Variants in CRTC2 observed in about 807,000 individuals in gnomAD.
The protein encoded by CRTC2 is CREB-regulated transcription coactivator 2.
CRTC2 carries 25 observed loss-of-function variants against 70.9 expected under a neutral mutation model. That is an observed-to-expected ratio of 0.35 (90% CI 0.26 to 0.49). CRTC2 has a LOEUF of 0.49. Ranked by LOEUF, CRTC2 falls within the 20% of genes least tolerant of loss-of-function variation. The pLI is 0.98. For missense variants in CRTC2, 737 were observed against 882.6 expected, an observed-to-expected ratio of 0.83 and a Z score of 2.09; for synonymous variants, 330 against 364.1, an observed-to-expected ratio of 0.91 and a Z score of 1.07.
At position 153,953,307 on chromosome 1, in the gene CRTC2, G is replaced by C; in HGVS notation, c.566C>G (p.Pro189Arg). ...VMNPSPQDTY[P>R]GPTPPSILPS... ...CAGGATGCTGGGAGGTGTGGGGCCT[G>C]GGTAGGTATCCTGGGGACTGGGGTT... Residue 189 changes from proline to arginine, a missense_variant, in exon 6 of 14, where the codon CCA becomes CGA. Pro to Arg is a moderately radical substitution (Grantham distance 103). Coordinates refer to ENST00000368633, the MANE Select transcript of CRTC2 (RefSeq NM_181715.3). 1 of 1,598,252 alleles carries C rather than the reference G, an allele frequency of 6.3e-7. No homozygotes were observed. Among genetic ancestry groups the C allele is most frequent in the Non-Finnish European group, 8.5e-7 (1 of 1,175,090 alleles).
Position 153,958,384 on chromosome 1 carries a change from C to T in CRTC2, c.114G>A (p.Ala38=), listed in dbSNP as rs767939805. 3.7e-6 allele frequency: 6 copies of T among 1,613,074 alleles called. No homozygotes were observed. The highest frequency in any genetic ancestry group is 1.1e-5 in the South Asian group (1 of 91,062). ...TGTCCATCATCACCTCCTCGAAGGC[C>T]GCCGTCTCCTCGGCCTGACGCTGCT... is the stretch of plus-strand genomic sequence containing the variant. The part of the protein sequence containing the change: ...LQKQRQAEET[A]AFEEVMMDIG... The change falls in exon 1 of 14, where the codon GCG becomes GCA. Residue 38 remains alanine, a synonymous_variant. Coordinates refer to ENST00000368633, the MANE Select transcript of CRTC2 (RefSeq NM_181715.3).
At chr1:153,956,134 A>G (rs1046237973) in intron 1 of CRTC2, among the ~76,000 whole-genome samples, 1 of 152,194 alleles carries the variant, frequency 6.6e-6, no homozygotes, top group Non-Finnish European at 1.5e-5. Context: ...CAAAGCCTGC[A>G]CCTCCCAAAC....
chr1:153,956,064 C>T lies in CRTC2; in HGVS notation c.154-898G>A, dbSNP rs148106589. Among the ~76,000 whole-genome samples the T allele has an allele frequency of 2.0e-5, 3 of 152,342 alleles. No homozygotes were observed. In the East Asian group the frequency reaches 5.8e-4, roughly 29 times the overall value. On this transcript the variant is annotated intron_variant, in intron 1 of 13. Coordinates refer to ENST00000368633, the MANE Select transcript of CRTC2 (RefSeq NM_181715.3). ...CCATTACTGCCAGCCTCTTTCCTTC[C>T]CACTCTGGAGAGCACAGGCTTCTGG...
At chr1:153,948,953 C>T (rs1680173927) in intron 12 of CRTC2, 162 bp downstream of exon 12, 1 of 813,452 alleles carries the variant, frequency 1.2e-6, no homozygotes, top group Non-Finnish European at 2.1e-6. Flanking sequence ...AGAGAGGAGC[C>T]CCAAGCTGGC....
intron 3 of CRTC2, among the ~76,000 whole-genome samples, chr1:153,954,577 T>C (rs1016671123): frequency 5.3e-5 from 8 of 152,134 alleles, no homozygotes; most frequent in Non-Finnish European, 8.8e-5. Context: ...CTTAGAAATC[T>C]GAGAAGAGAC....
At chr1:153,948,416 A>G (rs1213766264) in intron 13 of CRTC2, 42 bp downstream of exon 13, 1 of 1,609,170 alleles carries the variant, frequency 6.2e-7, no homozygotes. Flanking sequence ...TGAATGTGTC[A>G]CTTCCTCCTT....
chr1:153,953,695 G>A (rs1680477804), intron 4 of CRTC2, 89 bp from the exon 5 acceptor site: 1 of 847,136 alleles, frequency 1.2e-6, no homozygotes, highest in East Asian at 2.8e-5. Context: ...GGCAGCTAAG[G>A]TGGAAGTAAA....
chr1:153,956,196 C>T (rs1004717116), intron 1 of CRTC2, among the ~76,000 whole-genome samples: 2 of 152,214 alleles, frequency 1.3e-5, no homozygotes, highest in African/African-American at 4.8e-5. Flanking sequence ...AGCACCAAAA[C>T]CAAGGGACAT....
At chr1:153,949,646 C>G (rs558598944) in intron 11 of CRTC2, among the ~76,000 whole-genome samples, 1 of 152,086 alleles carries the variant, frequency 6.6e-6, no homozygotes, top group South Asian at 2.1e-4. Context: ...GTCAGGAGTT[C>G]GAGACCAGCC....
Position 153,951,998 on chromosome 1 carries a change from T to A in CRTC2, c.997+20A>T, listed in dbSNP as rs773706306. 6.2e-7 allele frequency: 1 copy of A among 1,604,990 alleles called. No individual in the cohort carries two copies. Among genetic ancestry groups the A allele is most frequent in the Non-Finnish European group, 8.5e-7 (1 of 1,175,656 alleles). ...AGTCAGGCAGCACCCAGTGGGCACA[T>A]GGCCAGGACAGTCACTCACCTGGTG... On this transcript the variant is annotated intron_variant, in intron 10 of 13. Coordinates refer to ENST00000368633, the MANE Select transcript of CRTC2 (RefSeq NM_181715.3).
intron 11 of CRTC2, among the ~76,000 whole-genome samples, chr1:153,950,549 T>G (rs1470989876): frequency 6.6e-6 from 1 of 151,654 alleles, no homozygotes; most frequent in Non-Finnish European, 1.5e-5. Flanking sequence ...GGAGTAGAGA[T>G]AGAGAACAAG....
rs1470481320 is a variant in CRTC2, at chr1:153,958,019, TC to T, written c.153+325del. ...CAATACCAGGCATGCTTCAGTAGCG[TC>T]CTCGAGGGGACTCCGTCAGGGATGC... is the stretch of plus-strand genomic sequence containing the variant. On this transcript the variant is annotated intron_variant, in intron 1 of 13. Transcript: ENST00000368633. 1.4e-5 allele frequency: 17 copies of T among 1,213,020 alleles called. No individual in the cohort carries two copies. The Admixed American group carries it at 1.7e-4, about 12-fold the overall frequency. The allele number at this position is 1,213,020 out of a possible 1,614,324, so 75.1% of individuals were successfully genotyped here. A position where few individuals can be genotyped will look rare whatever the true frequency, so the allele number is the denominator to read the frequency against.
At position 153,951,776 on chromosome 1, in the gene CRTC2, G is replaced by A. The variant is rs1399028398; in HGVS notation, c.998-110C>T. On this transcript the variant is annotated intron_variant, in intron 10 of 13. Transcript: ENST00000368633. The stretch of plus-strand genomic sequence containing the variant: ...CAGACTATGAAAGCGGCAACACAAC[G>A]TCCTCCCTACTCTATCCCTGACAGC... 51 of 1,239,334 alleles carry A rather than the reference G, an allele frequency of 4.1e-5. 3 individuals carry two copies. In the South Asian group the frequency reaches 5.4e-4, roughly 13 times the overall value. 76.8% of individuals were successfully genotyped at this position (1,239,334 alleles called of 1,614,324 possible).
Position 153,955,912 on chromosome 1 carries a change from GGGGCTGCCAGGAGCTCCC to G in CRTC2, c.154-764_154-747del, listed in dbSNP as rs538633501. Among the ~76,000 whole-genome samples the G allele has an allele frequency of 1.7e-4, 26 of 152,290 alleles. No homozygotes were observed. The East Asian group carries it at 4.8e-3, about 28-fold the overall frequency. On this transcript the variant is annotated intron_variant, in intron 1 of 13. Coordinates refer to ENST00000368633, the MANE Select transcript of CRTC2 (RefSeq NM_181715.3). ...GCATCACTCTAAGCAGAGTCCCTGAGGGGCTGCCAGGAGCTCCCGGGCTACTCACAAGGGGGAGTGCCT... is the reference window on the plus strand; with the variant it reads ...GCATCACTCTAAGCAGAGTCCCTGAGGGGCTACTCACAAGGGGGAGTGCCT...
In CRTC2 at chr1:153,951,446, A is replaced by G; in HGVS notation, c.1218T>C (p.Thr406=). The change falls in exon 11 of 14, where the codon ACT becomes ACC. Residue 406 remains threonine (T), a synonymous_variant. Transcript: ENST00000368633. ...AGGGGGCGCCCAAAACAGGAGATGA[A>G]GTGGAGGAGGAGGAAGAGGAGGAGG... ...ALSSSSSSSS[T]SSPVLGAPSY... The G allele has an allele frequency of 1.2e-6, 2 of 1,602,474 alleles. No individual in the cohort carries two copies. Among genetic ancestry groups the G allele is most frequent in the South Asian group, 2.2e-5 (2 of 89,414 alleles).
At chr1:153,957,106 T>C (rs1340660710) in intron 1 of CRTC2, among the ~76,000 whole-genome samples, 2 of 152,046 alleles carry the variant, frequency 1.3e-5, no homozygotes, top group Non-Finnish European at 2.9e-5. Flanking sequence ...TGCATTTAAG[T>C]GTGCACATGC....
intron 2 of CRTC2, 27 bp downstream of exon 2, chr1:153,955,038 A>C: frequency 6.2e-7 from 1 of 1,612,006 alleles, no homozygotes; most frequent in Non-Finnish European, 8.5e-7. Flanking sequence ...AAGAAACTCC[A>C]CTCCTCCCTG....
chr1:153,953,398 C>T (rs1485874149), intron 5 of CRTC2, 29 bp from the exon 6 acceptor site: 3 of 1,548,630 alleles, frequency 1.9e-6, no homozygotes, highest in Non-Finnish European at 2.7e-6. Context: ...TGAGCTGACA[C>T]CAGTGACAGT....
Position 153,948,127 on chromosome 1 carries a change from G to A in CRTC2, c.2064C>T (p.Arg688=). 1.2e-6 allele frequency: 2 copies of A among 1,614,162 alleles called. No individual in the cohort carries two copies. Among genetic ancestry groups the A allele is most frequent in the Non-Finnish European group, 8.5e-7 (1 of 1,180,010 alleles). The part of the protein sequence containing the change: ...LPDPAVEESF[R]SDRLQ ...GGTGCCCTCATTGGAGCCGGTCACT[G>A]CGGAATGACTCCTCCACAGCAGGAT... Residue 688 remains arginine, a synonymous_variant, in exon 14 of 14, where the codon CGC becomes CGT. Coordinates refer to ENST00000368633, the MANE Select transcript of CRTC2 (RefSeq NM_181715.3).
Sources: allele counts gnomAD v4.1 joint callset (sites outside exome capture counted in the v4.1 genomes callset), GRCh38; gene constraint gnomAD v4.1.1; transcripts MANE v1.5; gene names NCBI Gene and HGNC (gene_info 2026-07-23, HGNC 2026-07-21).